Variants in CCSER1 observed in about 807,000 individuals in gnomAD.
CCSER1 encodes coiled-coil serine rich protein 1, also known as serine-rich coiled-coil domain-containing protein 1.
Under a neutral mutation model 82.0 loss-of-function variants are expected in CCSER1, and 41 were observed. The observed-to-expected ratio is 0.50, with a 90% CI of 0.39 to 0.65. The LOEUF (loss-of-function observed/expected upper bound fraction) is 0.65. CCSER1 is among the 30% of genes least tolerant of loss of function. CCSER1 has a pLI of 0.00. For missense variants in CCSER1, 1,119 were observed against 1,064.2 expected, an observed-to-expected ratio of 1.05 and a Z score of -0.72; for synonymous variants, 414 against 383.9, an observed-to-expected ratio of 1.08 and a Z score of -0.92.
At chr4:91,190,845 A>G (rs1314357707) in intron 10 of CCSER1, among the ~76,000 whole-genome samples, 1 of 152,174 alleles carries the variant, frequency 6.6e-6, no homozygotes, top group Non-Finnish European at 1.5e-5. Context: ...TTTTATCCTT[A>G]AAAGGAATCT....
intron 5 of CCSER1, among the ~76,000 whole-genome samples, chr4:90,606,579 C>T (rs1009128432): frequency 6.6e-6 from 1 of 152,154 alleles, no homozygotes; most frequent in African/African-American, 2.4e-5. Flanking sequence ...TTCATTGTTA[C>T]TGATTTTGAT....
At chr4:90,160,742 G>A (rs939016777) in intron 1 of CCSER1, among the ~76,000 whole-genome samples, 2 of 152,124 alleles carry the variant, frequency 1.3e-5, no homozygotes, top group Non-Finnish European at 2.9e-5. Flanking sequence ...GAAGCTATGG[G>A]AAACAATAGA....
At chr4:90,830,204 C>A (rs991116295) in intron 8 of CCSER1, among the ~76,000 whole-genome samples, 1 of 152,088 alleles carries the variant, frequency 6.6e-6, no homozygotes, top group Admixed American at 6.6e-5. Flanking sequence ...GTATATGAAG[C>A]AAATAATTGT....
chr4:91,060,418 A>T (rs373223870), intron 9 of CCSER1, among the ~76,000 whole-genome samples: 33 of 152,190 alleles, frequency 2.2e-4, no homozygotes, highest in East Asian at 2.1e-3. Context: ...TAATTTAATG[A>T]GCAATATAAA....
At chr4:91,494,170 A>G (rs1378464108) in intron 10 of CCSER1, among the ~76,000 whole-genome samples, 1 of 151,852 alleles carries the variant, frequency 6.6e-6, no homozygotes, top group Non-Finnish European at 1.5e-5. Flanking sequence ...TGGACTCCCT[A>G]GCCTCCAGAC....
intron 9 of CCSER1, among the ~76,000 whole-genome samples, chr4:90,938,403 G>A (rs1298197131): frequency 6.6e-6 from 1 of 151,886 alleles, no homozygotes; most frequent in African/African-American, 2.4e-5. Flanking sequence ...TAAAACCAAG[G>A]GAATGAAAAT....
chr4:91,190,160 C>A (rs373933629), intron 10 of CCSER1, among the ~76,000 whole-genome samples: 1 of 152,208 alleles, frequency 6.6e-6, no homozygotes, highest in East Asian at 1.9e-4. Flanking sequence ...GAACATGTTT[C>A]CCTCACCAGG....
chr4:91,249,222 C>A (rs1315822017), intron 10 of CCSER1, among the ~76,000 whole-genome samples: 1 of 151,998 alleles, frequency 6.6e-6, no homozygotes, highest in Non-Finnish European at 1.5e-5. Flanking sequence ...CATTTTAAGC[C>A]ATTTCTATGT....
At chr4:90,567,583 C>A (rs1204105363) in intron 5 of CCSER1, among the ~76,000 whole-genome samples, 1 of 151,234 alleles carries the variant, frequency 6.6e-6, no homozygotes, top group Admixed American at 6.6e-5. Context: ...AGCCATTGCA[C>A]CCAGCCAGAA....
chr4:91,164,672 C>T (rs141406292), intron 10 of CCSER1, among the ~76,000 whole-genome samples: 1,760 of 152,236 alleles, frequency 0.012, 19 homozygotes, highest in South Asian at 0.021. Context: ...CACTTCATTT[C>T]ATTCATTTGA....
At chr4:90,498,219 A>G (rs1317105160) in intron 5 of CCSER1, among the ~76,000 whole-genome samples, 1 of 152,210 alleles carries the variant, frequency 6.6e-6, no homozygotes, top group East Asian at 1.9e-4. Flanking sequence ...GAGATTGACA[A>G]CAATAATGAA....
intron 9 of CCSER1, among the ~76,000 whole-genome samples, chr4:90,995,926 A>G (rs950826862): frequency 5.9e-5 from 9 of 152,102 alleles, no homozygotes; most frequent in Non-Finnish European, 1.0e-4. Flanking sequence ...ATGCAACTAT[A>G]TATGTATAAG....
chr4:90,327,194 C>T (rs1738379368), intron 3 of CCSER1, among the ~76,000 whole-genome samples: 1 of 152,136 alleles, frequency 6.6e-6, no homozygotes, highest in Admixed American at 6.5e-5. Context: ...ACTCAGGCAG[C>T]AAGTGGAAAC....
intron 10 of CCSER1, among the ~76,000 whole-genome samples, chr4:91,221,929 A>C (rs1737784612): frequency 6.6e-6 from 1 of 152,160 alleles, no homozygotes; most frequent in Non-Finnish European, 1.5e-5. Flanking sequence ...AAATTGTTAA[A>C]TAAATAAATT....
intron 5 of CCSER1, among the ~76,000 whole-genome samples, chr4:90,589,780 TA>T (rs906852015): frequency 6.6e-5 from 10 of 151,740 alleles, no homozygotes; most frequent in East Asian, 1.9e-4. Context: ...CAGAGAATTC[TA>T]AAAAAAAATC....
chr4:90,980,741 G>A (rs574509958), intron 9 of CCSER1, among the ~76,000 whole-genome samples: 4 of 151,564 alleles, frequency 2.6e-5, no homozygotes, highest in South Asian at 2.1e-4. Flanking sequence ...ATGGAAAGAC[G>A]TACTCGAAGG....
chr4:90,955,557 G>A (rs1011546511), intron 9 of CCSER1, among the ~76,000 whole-genome samples: 1 of 152,098 alleles, frequency 6.6e-6, no homozygotes, highest in Non-Finnish European at 1.5e-5. Context: ...GGGGTAAACT[G>A]ACAAAGCTGT....
chr4:91,221,561 T>C (rs1737743995), intron 10 of CCSER1, among the ~76,000 whole-genome samples: 1 of 86,166 alleles, frequency 1.2e-5, no homozygotes, highest in African/African-American at 6.3e-5. Flanking sequence ...CCCATAGGCA[T>C]GGATTGGAAA....
intron 10 of CCSER1, among the ~76,000 whole-genome samples, chr4:91,355,655 A>G (rs997163213): frequency 6.6e-6 from 1 of 152,204 alleles, no homozygotes; most frequent in Admixed American, 6.5e-5. Context: ...AAGGAAAATG[A>G]GTCCCACAAT....
Sources: gnomAD v4.1 joint callset for allele counts (sites outside exome capture counted in the v4.1 genomes callset) on GRCh38, gnomAD v4.1.1 for gene constraint, MANE v1.5 for transcripts, NCBI Gene and HGNC (gene_info 2026-07-23, HGNC 2026-07-21) for gene names.